Variants in EFL1 observed in about 807,000 individuals in gnomAD.
EFL1 encodes the protein elongation factor like GTPase 1.
Under a neutral mutation model 126.7 loss-of-function variants are expected in EFL1, and 76 were observed. The ratio of observed to expected loss-of-function variants is 0.60; its 90% CI spans 0.50 to 0.73. The LOEUF (loss-of-function observed/expected upper bound fraction) is 0.73. Among genes scored for constraint, EFL1 ranks in the 30% least tolerant of loss-of-function variants. The pLI is 0.00. For missense variants in EFL1, 1,128 were observed against 1,343.2 expected, an observed-to-expected ratio of 0.84 and a Z score of 2.50; for synonymous variants, 410 against 448.4, an observed-to-expected ratio of 0.91 and a Z score of 1.08.
intron 15 of EFL1, among the ~76,000 whole-genome samples, chr15:82,201,174 G>A (rs2651704): frequency 0.022 from 3,416 of 152,312 alleles, 111 homozygotes; most frequent in East Asian, 0.097. Flanking sequence ...TCGCCTAAGC[G>A]TATTAAGTGA....
chr15:82,247,347 T>C (rs7167913), intron 4 of EFL1, among the ~76,000 whole-genome samples: 117,952 of 151,966 alleles, frequency 0.78, 46,677 homozygotes, highest in African/African-American at 0.92. Context: ...GTTGAAGAAG[T>C]CATTCTCAGG....
At chr15:82,198,149 GT>G (rs1216193324) in intron 15 of EFL1, among the ~76,000 whole-genome samples, 1 of 152,156 alleles carries the variant, frequency 6.6e-6, no homozygotes, top group African/African-American at 2.4e-5. Flanking sequence ...ATTGCACTCT[GT>G]TTCTCTGTGA....
chr15:82,163,040 A>AT (rs2074039487), intron 16 of EFL1, among the ~76,000 whole-genome samples: 1 of 152,366 alleles, frequency 6.6e-6, no homozygotes, highest in African/African-American at 2.4e-5. Flanking sequence ...GGCAAATACC[A>AT]TAAGCCAAAG....
At chr15:82,245,906 C>A (rs1055724695) in intron 4 of EFL1, among the ~76,000 whole-genome samples, 1 of 150,842 alleles carries the variant, frequency 6.6e-6, no homozygotes, top group Admixed American at 6.6e-5. Flanking sequence ...GCACTCCAGC[C>A]TGGGTGATAG....
intron 15 of EFL1, among the ~76,000 whole-genome samples, chr15:82,194,105 TTAAAA>T (rs1297592174): frequency 6.6e-6 from 1 of 152,172 alleles, no homozygotes; most frequent in Non-Finnish European, 1.5e-5. Flanking sequence ...CTAGGTGAGT[TTAAAA>T]CAGATCATTG....
At chr15:82,165,440 A>G (rs2074069154) in intron 15 of EFL1, among the ~76,000 whole-genome samples, 1 of 152,196 alleles carries the variant, frequency 6.6e-6, no homozygotes, top group African/African-American at 2.4e-5. Flanking sequence ...AGACTGGTGG[A>G]GAGGAACTGA....
intron 15 of EFL1, among the ~76,000 whole-genome samples, chr15:82,169,113 A>G (rs2074107517): frequency 6.6e-6 from 1 of 152,148 alleles, no homozygotes; most frequent in Non-Finnish European, 1.5e-5. Context: ...TCAAGGGAAT[A>G]ACGCGGTTCT....
chr15:82,167,376 G>A (rs999156808), intron 15 of EFL1, among the ~76,000 whole-genome samples: 3 of 152,160 alleles, frequency 2.0e-5, no homozygotes, highest in African/African-American at 7.2e-5. Context: ...GTCCTTGCTA[G>A]ACTGTATACT....
chr15:82,183,540 C>A (rs921263971), intron 15 of EFL1, among the ~76,000 whole-genome samples: 1 of 152,182 alleles, frequency 6.6e-6, no homozygotes, highest in Non-Finnish European at 1.5e-5. Context: ...CAGACAGCAA[C>A]AGGGGCCAGC....
intron 19 of EFL1, among the ~76,000 whole-genome samples, chr15:82,132,260 A>G (rs1261444032): frequency 1.3e-5 from 2 of 152,208 alleles, no homozygotes; most frequent in East Asian, 3.8e-4. Flanking sequence ...CAGAGAGAAA[A>G]GCCAGATCTA....
At chr15:82,230,119 G>A (rs2074805885) in intron 8 of EFL1, among the ~76,000 whole-genome samples, 2 of 152,124 alleles carry the variant, frequency 1.3e-5, no homozygotes, top group South Asian at 2.1e-4. Flanking sequence ...GGGCAGCTAC[G>A]TTGTATAAAC....
At chr15:82,235,895 T>C (rs913663933) in intron 7 of EFL1, among the ~76,000 whole-genome samples, 1 of 151,802 alleles carries the variant, frequency 6.6e-6, no homozygotes, top group African/African-American at 2.4e-5. Context: ...AGGAAAAAAA[T>C]ACAACAACCC....
chr15:82,182,245 C>T (rs576556664), intron 15 of EFL1, among the ~76,000 whole-genome samples: 2 of 152,274 alleles, frequency 1.3e-5, no homozygotes, highest in East Asian at 3.9e-4. Flanking sequence ...GGCGAAAGAG[C>T]AAGATTCTGT....
At chr15:82,254,183 T>G (rs2075047547) in intron 3 of EFL1, among the ~76,000 whole-genome samples, 1 of 152,196 alleles carries the variant, frequency 6.6e-6, no homozygotes, top group African/African-American at 2.4e-5. Flanking sequence ...TTGATTCCAG[T>G]GCAGCATGAC....
chr15:82,134,966 C>T (rs116602989), intron 19 of EFL1, among the ~76,000 whole-genome samples: 55 of 152,180 alleles, frequency 3.6e-4, no homozygotes, highest in African/African-American at 1.3e-3. Flanking sequence ...AAAAGAAGTG[C>T]CTTGGAGTGA....
chr15:82,170,883 G>A (rs1055511597), intron 15 of EFL1, among the ~76,000 whole-genome samples: 3 of 152,094 alleles, frequency 2.0e-5, no homozygotes, highest in Admixed American at 6.5e-5. Flanking sequence ...TTTAACATGT[G>A]CTGCATTCCA....
In EFL1 at chr15:82,130,443, T is replaced by C. The variant is rs761913901; in HGVS notation, c.3293A>G (p.Lys1098Arg). Residue 1098 changes from lysine (K) to arginine (R), a missense_variant, in exon 20 of 20, where the codon AAG becomes AGG. Transcript: ENST00000268206. ...RKYMNAVRKR[K>R]GLYVEEKIVE... ...AATCTTTTCTTCCACATAAAGCCCCTTCCGCTTTCGTACTGCGTTCATGTA... is the reference window on the plus strand; with the variant it reads ...AATCTTTTCTTCCACATAAAGCCCCCTCCGCTTTCGTACTGCGTTCATGTA... The C allele has an allele frequency of 6.2e-7, 1 of 1,614,198 alleles. No homozygotes were observed. The highest frequency in any genetic ancestry group is 1.3e-5 in the African/African-American group (1 of 75,044).
At chr15:82,167,721 T>G (rs138012816) in intron 15 of EFL1, among the ~76,000 whole-genome samples, 3 of 152,208 alleles carry the variant, frequency 2.0e-5, no homozygotes, top group Non-Finnish European at 4.4e-5. Context: ...GTTAGCTGTC[T>G]GGATAGGGAA....
In EFL1 at chr15:82,217,870, C is replaced by T. The variant is rs551795608; in HGVS notation, c.1611+1782G>A. Among the ~76,000 whole-genome samples the T allele has an allele frequency of 5.1e-4, 78 of 152,288 alleles. 1 individual carries two copies. The highest frequency in any genetic ancestry group is 1.8e-3 in the African/African-American group (73 of 41,556). The stretch of plus-strand genomic sequence containing the variant: ...CTGTCTTGCTAGGAGATTCCTTCTA[C>T]TCTCTTATATGGCTTGATGAAGAGG... On this transcript the variant is annotated intron_variant, in intron 14 of 19. Transcript: ENST00000268206.
Sources: gnomAD v4.1 joint callset for allele counts (sites outside exome capture counted in the v4.1 genomes callset) on GRCh38, gnomAD v4.1.1 for gene constraint, MANE v1.5 for transcripts, NCBI Gene and HGNC (gene_info 2026-07-23, HGNC 2026-07-21) for gene names.